ATP10B: variants seen among roughly 807,000 people sequenced by gnomAD.
The protein encoded by ATP10B is phospholipid-transporting ATPase VB.
Under a neutral mutation model 141.2 loss-of-function variants are expected in ATP10B, and 122 were observed. The observed-to-expected ratio is 0.86, with a 90% CI of 0.75 to 1.00. The LOEUF is 1.00. Among genes scored for constraint, ATP10B ranks in the 50% least tolerant of loss-of-function variants. The pLI, the probability that ATP10B is intolerant of heterozygous loss-of-function variation, is 0.00. For missense variants in ATP10B, 1,876 were observed against 1,825.3 expected, an observed-to-expected ratio of 1.03 and a Z score of -0.51; for synonymous variants, 685 against 692.0, an observed-to-expected ratio of 0.99 and a Z score of 0.16.
At chr5:160,766,383 C>G (rs1012394808) in intron 2 of ATP10B, among the ~76,000 whole-genome samples, 2 of 130,756 alleles carry the variant, frequency 1.5e-5, no homozygotes, top group South Asian at 2.5e-4. Context: ...CACACACACA[C>G]AGACACTCAC....
chr5:160,910,841 A>G, the ATP10B span, among the ~76,000 whole-genome samples: 1 of 152,232 alleles, frequency 6.6e-6, no homozygotes, highest in African/African-American at 2.4e-5. Flanking sequence ...GTATGGCCCC[A>G]CCAAGTTTCA....
intron 1 of ATP10B, among the ~76,000 whole-genome samples, chr5:160,817,645 C>T (rs565639154): frequency 1.3e-5 from 2 of 152,314 alleles, no homozygotes; most frequent in South Asian, 4.1e-4. Context: ...TTGGCAAAAA[C>T]TACTTTAAAG....
chr5:160,915,679 C>A, the ATP10B span, among the ~76,000 whole-genome samples: 16 of 152,134 alleles, frequency 1.1e-4, no homozygotes, highest in African/African-American at 2.9e-4. Context: ...AGATTTGCCC[C>A]GTATGAGACA....
chr5:160,821,219 A>C (rs563766796), intron 1 of ATP10B, among the ~76,000 whole-genome samples: 3 of 152,300 alleles, frequency 2.0e-5, no homozygotes, highest in South Asian at 2.1e-4. Flanking sequence ...ATATACCAAC[A>C]GTGAACAATC....
intron 1 of ATP10B, among the ~76,000 whole-genome samples, chr5:160,800,374 C>T (rs186488317): frequency 1.3e-3 from 204 of 152,186 alleles, no homozygotes; most frequent in Non-Finnish European, 2.2e-3. Flanking sequence ...ATGATGATTA[C>T]AAGAATCATA....
chr5:160,676,286 CA>C (rs1327318057), intron 6 of ATP10B, among the ~76,000 whole-genome samples: 1 of 152,164 alleles, frequency 6.6e-6, no homozygotes, highest in Non-Finnish European at 1.5e-5. Flanking sequence ...ATGGAAGTCA[CA>C]GGTGCCATCC....
intron 2 of ATP10B, among the ~76,000 whole-genome samples, chr5:160,761,997 G>T (rs1769082878): frequency 6.6e-6 from 1 of 151,824 alleles, no homozygotes; most frequent in Non-Finnish European, 1.5e-5. Context: ...TGAAGACAAG[G>T]CTTTTGAATT....
intron 1 of ATP10B, among the ~76,000 whole-genome samples, chr5:160,832,048 T>C (rs903868355): frequency 3.9e-5 from 6 of 152,112 alleles, no homozygotes; most frequent in Non-Finnish European, 5.9e-5. Flanking sequence ...TAGGCCTTTG[T>C]TCAAGGGGTC....
chr5:160,691,138 T>G (rs917119856), intron 3 of ATP10B, among the ~76,000 whole-genome samples: 1 of 151,986 alleles, frequency 6.6e-6, no homozygotes, highest in Non-Finnish European at 1.5e-5. Context: ...TTCTCACTCA[T>G]AATTGGGAGT....
intron 6 of ATP10B, among the ~76,000 whole-genome samples, chr5:160,681,778 AC>A (rs1763413983): frequency 6.6e-6 from 1 of 152,386 alleles, no homozygotes; most frequent in African/African-American, 2.4e-5. Flanking sequence ...TGAAAAAATT[AC>A]ATCAGTTACA....
chr5:160,898,531 T>C, the ATP10B span, among the ~76,000 whole-genome samples: 1 of 152,338 alleles, frequency 6.6e-6, no homozygotes, highest in South Asian at 2.1e-4. Context: ...ATAGGAACAC[T>C]TTTACACTGT....
intron 6 of ATP10B, chr5:160,685,250 A>G: frequency 1.8e-6 from 1 of 564,492 alleles, no homozygotes; most frequent in South Asian, 2.3e-5. Context: ...TTTAATTCTC[A>G]TAATTTAATT....
At chr5:160,596,387 G>A (rs1387566822) in intron 22 of ATP10B, among the ~76,000 whole-genome samples, 8 of 148,384 alleles carry the variant, frequency 5.4e-5, no homozygotes, top group South Asian at 2.2e-4. Context: ...TTGATGGGAC[G>A]TATTTCAAAA....
the ATP10B span, among the ~76,000 whole-genome samples, chr5:160,908,524 A>T: frequency 6.6e-6 from 1 of 152,196 alleles, no homozygotes; most frequent in African/African-American, 2.4e-5. Context: ...CTGCTATCGA[A>T]GGATTAGGAT....
chr5:160,865,634 G>A, the ATP10B span, among the ~76,000 whole-genome samples: 1 of 152,004 alleles, frequency 6.6e-6, no homozygotes, highest in Admixed American at 6.6e-5. Context: ...AGAGTAAACA[G>A]AGAACCCATA....
the ATP10B span, among the ~76,000 whole-genome samples, chr5:160,891,478 CAG>C: frequency 4.6e-5 from 7 of 152,144 alleles, no homozygotes; most frequent in African/African-American, 1.2e-4. Flanking sequence ...TTTCTTGAGA[CAG>C]AGTCTCGCTC....
Position 160,620,594 on chromosome 5 carries a change from A to T in ATP10B, c.2169T>A (p.Asp723Glu), listed in dbSNP as rs1010229876. The T allele has an allele frequency of 1.2e-6, 2 of 1,613,772 alleles. No individual in the cohort carries two copies. The highest frequency in any genetic ancestry group is 1.7e-5 in the Admixed American group (1 of 60,008). ...PEFCYEAESPDEAALVHAAHA... is the reference protein window; with the variant it reads ...PEFCYEAESPEEAALVHAAHA... ...GGGCAGCGTGCACCAGGGCGGCCTC[A>T]TCAGGGCTCTCAGCCTCGTAACAGA... Residue 723 changes from aspartate (D) to glutamate (E), a missense_variant, in exon 15 of 26, where the codon GAT (aspartate) becomes GAA (glutamate). By Grantham distance (45) the Asp-to-Glu change is conservative (BLOSUM62 2). Transcript: ENST00000327245.
chr5:160,898,320 A>G, the ATP10B span, among the ~76,000 whole-genome samples: 2 of 152,226 alleles, frequency 1.3e-5, no homozygotes, highest in Non-Finnish European at 2.9e-5. Flanking sequence ...CAACCCCCTC[A>G]AAATGTGGGC....
rs76476388 is a variant in ATP10B, at chr5:160,700,867, C to T, written c.-204-11924G>A. Among the ~76,000 whole-genome samples the T allele has an allele frequency of 2.0e-5, 3 of 152,256 alleles. No individual in the cohort carries two copies. In the East Asian group the frequency reaches 5.8e-4, roughly 29 times the overall value. On this transcript the variant is annotated intron_variant, in intron 3 of 25. Transcript: ENST00000327245. The stretch of plus-strand genomic sequence containing the variant: ...CCTCCAAACAGCCTCAGTATCTTTA[C>T]CCCTACATCTGCACTTGCCCCCTAT...
Sources: allele counts gnomAD v4.1 joint callset (sites outside exome capture counted in the v4.1 genomes callset), GRCh38; gene constraint gnomAD v4.1.1; transcripts MANE v1.5; gene names NCBI Gene and HGNC (gene_info 2026-07-23, HGNC 2026-07-21).